The following NDRG2 variants were observed in gnomAD, a reference collection of about 807,000 sequenced individuals.
NDRG2 encodes the protein protein NDRG2.
A neutral mutation model predicts 58.2 loss-of-function variants in NDRG2; 34 were observed. The ratio of observed to expected loss-of-function variants is 0.58; its 90% CI spans 0.44 to 0.78. The LOEUF (loss-of-function observed/expected upper bound fraction) is 0.78, where lower values mean the gene tolerates loss of function less well. NDRG2 is among the 30% of genes least tolerant of loss of function. The pLI is 0.00. For synonymous variants in NDRG2, 187 were observed against 175.9 expected (o/e 1.06, Z -0.50); for missense variants, 434 against 471.2 (o/e 0.92, Z 0.73).
At chr14:21,033,864 T>A (rs140148764) in intron 1 of NDRG2, 1 of 1,614,110 alleles carries the variant, frequency 6.2e-7, no homozygotes. Context: ...ATCAGCTTCA[T>A]ACTTGCGGGA....
chr14:21,020,129 A>G (rs759982182), intron 8 of NDRG2, 153 bp from the exon 9 acceptor site: 6 of 639,424 alleles, frequency 9.4e-6, no homozygotes, highest in Non-Finnish European at 1.7e-5. Context: ...CCCCATCTCT[A>G]CTAATAATAC....
At chr14:21,063,617 T>C (rs1373071264) in intron 1 of NDRG2, among the ~76,000 whole-genome samples, 1 of 152,218 alleles carries the variant, frequency 6.6e-6, no homozygotes, top group African/African-American at 2.4e-5. Context: ...TGGGAATGAC[T>C]TCACGCTGTT....
intron 2 of NDRG2, 93 bp from the exon 3 acceptor site, chr14:21,022,998 AGACC>A: frequency 1.4e-6 from 2 of 1,410,590 alleles, no homozygotes; most frequent in Non-Finnish European, 2.0e-6. Flanking sequence ...AAGTAAAGAC[AGACC>A]AACAAATGAC....
chr14:21,042,938 A>G (rs1884971624), intron 1 of NDRG2: 1 of 1,489,826 alleles, frequency 6.7e-7, no homozygotes, highest in Admixed American at 2.0e-5. Flanking sequence ...TCTCAACTGA[A>G]CACCTCTGTC....
rs548881401 is a variant in NDRG2, at chr14:21,057,424, G to A, written c.24+13404C>T. 8.0e-5 allele frequency among the ~76,000 whole-genome samples: 12 copies of A among 149,810 alleles called. No individual in the cohort carries two copies. The South Asian group carries it at 1.7e-3, about 21-fold the overall frequency. On this transcript the variant is annotated intron_variant, in intron 1 of 14. Coordinates refer to the NDRG2 transcript ENST00000403829. ...GCACTCCAGCATGGGCGACAAGAGCGAAACTCCATCTCAAAAAAAAAAAAA... is the reference window on the plus strand; with the variant it reads ...GCACTCCAGCATGGGCGACAAGAGCAAAACTCCATCTCAAAAAAAAAAAAA...
intron 10 of NDRG2, 78 bp from the exon 11 acceptor site, chr14:21,019,238 G>T: frequency 7.6e-7 from 1 of 1,312,478 alleles, no homozygotes; most frequent in Non-Finnish European, 1.1e-6. Context: ...CTCCCATGAT[G>T]GAACTATCTT....
chr14:21,025,686 C>T (rs1427124737), upstream of NDRG2: 3 of 982,116 alleles, frequency 3.1e-6, no homozygotes, highest in African/African-American at 5.3e-5. The surrounding 1 kb of genome is among the most constrained non-coding windows in gnomAD (Gnocchi z 5.1). Context: ...CCTCTCCTCT[C>T]TTTGCTGCGT....
rs150476292 is a variant in NDRG2, at chr14:21,023,273, G to A, written c.43C>T (p.Leu15=). The A allele has an allele frequency of 7.4e-5, 120 of 1,613,902 alleles. 1 individual carries two copies. The highest frequency in any genetic ancestry group is 7.0e-4 in the South Asian group (64 of 91,018). The stretch of plus-strand genomic sequence containing the variant: ...GCCTCAGGCGTCTGTCCTGGCAACA[G>A]TGGCTTCTCCTCTGTGATCTGCACC... ...QEVQITEEKP[L]LPGQTPEAAK... is the part of the protein sequence containing the mutation. The change falls in exon 2 of 16, where the codon CTG becomes TTG. Residue 15 remains leucine, a synonymous_variant. Coordinates refer to ENST00000556147, the MANE Select transcript of NDRG2 (RefSeq NM_001320329.2).
At chr14:21,017,930 C>T in intron 15 of NDRG2, 57 bp downstream of exon 15, 1 of 1,613,726 alleles carries the variant, frequency 6.2e-7, no homozygotes, top group Non-Finnish European at 8.5e-7. Context: ...AAAACGGTTC[C>T]ACCCCGTCAG....
chr14:21,030,510 C>T (rs1381441167), upstream of NDRG2: 1 of 1,486,914 alleles, frequency 6.7e-7, no homozygotes, highest in African/African-American at 1.4e-5. Flanking sequence ...CATTACTCCA[C>T]AGTCCTCCCT....
At chr14:21,032,920 A>G (rs1050579475) in intron 1 of NDRG2, 20 of 455,674 alleles carry the variant, frequency 4.4e-5, no homozygotes, top group East Asian at 3.5e-4. Flanking sequence ...GTTTCCCCCA[A>G]TGGTTACATC....
chr14:21,022,640 G>A, intron 3 of NDRG2, 143 bp from the exon 4 acceptor site: 1 of 690,050 alleles, frequency 1.4e-6, no homozygotes, highest in Non-Finnish European at 2.4e-6. Context: ...CAAGAATTGA[G>A]GAAAACATGA....
intron 1 of NDRG2, among the ~76,000 whole-genome samples, chr14:21,050,841 A>T (rs1167831042): frequency 6.6e-6 from 1 of 152,208 alleles, no homozygotes; most frequent in Non-Finnish European, 1.5e-5. Context: ...CATGTCTGTA[A>T]CTTGTTCTGA....
Position 21,024,806 on chromosome 14 carries a change from C to T in NDRG2, c.-783G>A. On this transcript the variant is annotated 5_prime_UTR_variant, in exon 1 of 16. Transcript: ENST00000556147. Reference sequence around the variant, plus strand: ...GTGGAGACTGACACCCTTGCGTGGCCGGTGCCAAGCGCCCCGGACCTTGCA... The same window carrying T: ...GTGGAGACTGACACCCTTGCGTGGCTGGTGCCAAGCGCCCCGGACCTTGCA... The T allele has an allele frequency of 3.0e-6, 3 of 985,634 alleles. No individual in the cohort carries two copies. Among genetic ancestry groups the T allele is most frequent in the Non-Finnish European group, 3.6e-6 (3 of 830,104 alleles). The allele number at this position is 985,634 out of a possible 1,614,324, so 61.1% of individuals were successfully genotyped here.
chr14:21,039,821 G>T (rs1465576804), intron 1 of NDRG2, among the ~76,000 whole-genome samples: 1 of 152,154 alleles, frequency 6.6e-6, no homozygotes, highest in African/African-American at 2.4e-5. Context: ...CAGTCCTAAG[G>T]CAGCCTTCTA....
chr14:21,019,963 G>A lies in NDRG2; in HGVS notation c.569C>T (p.Thr190Ile). 1 of 1,613,860 alleles carries A rather than the reference G, an allele frequency of 6.2e-7. No homozygotes were observed. The highest frequency in any genetic ancestry group is 1.1e-5 in the South Asian group (1 of 91,052). ...DWAAHKLTGL[T>I]SSIPEMILGH... ...AAGGATCATCTCCGGAATGGAAGAG[G>A]TGAGGCCTGTTAGCTATGAGGAGAA... is the stretch of plus-strand genomic sequence containing the variant. Residue 190 changes from threonine to isoleucine, a missense_variant, in exon 9 of 16, where the codon ACC (threonine) becomes ATC (isoleucine). By Grantham distance (89) the Thr-to-Ile change is moderately conservative. Transcript: ENST00000556147.
intron 1 of NDRG2, chr14:21,043,165 T>A: frequency 6.2e-7 from 1 of 1,614,168 alleles, no homozygotes; most frequent in Non-Finnish European, 8.5e-7. Context: ...ATGAAAAACA[T>A]TAACAAGCAC....
rs1886644940 is a variant in NDRG2 at position 21,070,474 on chromosome 14, C to T, written c.24+354G>A. ...CGCTCCGGGCCCCCAAGTCCTCAGC[C>T]TGGTGCCTCCCGAGCCTGCCTCGGA... On this transcript the variant is annotated intron_variant, in intron 1 of 14. Coordinates refer to the NDRG2 transcript ENST00000403829. The surrounding 1 kb of genome is among the most constrained non-coding windows in gnomAD (Gnocchi z 4.7). The T allele has an allele frequency of 1.5e-6, 2 of 1,355,000 alleles. No homozygotes were observed. Among genetic ancestry groups the T allele is most frequent in the Non-Finnish European group, 1.9e-6 (2 of 1,057,394 alleles). 83.9% of individuals were successfully genotyped at this position (1,355,000 alleles called of 1,614,324 possible). A position where few individuals can be genotyped will look rare whatever the true frequency, so the allele number is the denominator to read the frequency against.
chr14:21,025,466 C>A (rs906657132), upstream of NDRG2: 3 of 985,438 alleles, frequency 3.0e-6, no homozygotes, highest in Non-Finnish European at 3.6e-6. The surrounding 1 kb of genome is among the most constrained non-coding windows in gnomAD (Gnocchi z 5.1). Context: ...AGTGGGGAGA[C>A]GAACCCGGGA....
Sources: allele counts gnomAD v4.1 joint callset (sites outside exome capture counted in the v4.1 genomes callset), GRCh38; gene constraint gnomAD v4.1.1; non-coding constraint Gnocchi (gnomAD v3.1); transcripts MANE v1.5; gene names NCBI Gene and HGNC (gene_info 2026-07-23, HGNC 2026-07-21).